IGSF9B: variants seen among roughly 807,000 people sequenced by gnomAD.
IGSF9B encodes protein turtle homolog B.
Under a neutral mutation model 143.7 loss-of-function variants are expected in IGSF9B, and 48 were observed. The observed-to-expected ratio is 0.33, with a 90% CI of 0.26 to 0.42. The LOEUF (loss-of-function observed/expected upper bound fraction) is 0.42. Ranked by LOEUF, IGSF9B falls within the 20% of genes least tolerant of loss-of-function variation. IGSF9B has a pLI of 1.00. For synonymous variants in IGSF9B, 903 were observed against 833.1 expected, an observed-to-expected ratio of 1.08 and a Z score of -1.44; for missense variants, 1,706 against 1,980.0, an observed-to-expected ratio of 0.86 and a Z score of 2.63.
chr11:133,922,668 C>T lies in IGSF9B; in HGVS notation c.2182G>A (p.Val728Ile), dbSNP rs548914129. The part of the protein sequence containing the change: ...GLARPVLAGI[V>I]ATICFLAAAI... Reference sequence around the variant, plus strand: ...GCTGCCAAGAAGCAGATGGTAGCTACGATTCCCGCCAGCACAGGCCGCGCC... The same window carrying T: ...GCTGCCAAGAAGCAGATGGTAGCTATGATTCCCGCCAGCACAGGCCGCGCC... The change falls in exon 16 of 20, where the codon GTA becomes ATA. Residue 728 changes from valine (V) to isoleucine (I), a missense_variant. Coordinates refer to ENST00000533871, the MANE Select transcript of IGSF9B (RefSeq NM_001277285.4). The T allele has an allele frequency of 8.8e-6, 14 of 1,585,746 alleles. No individual in the cohort carries two copies. The highest frequency in any genetic ancestry group is 6.7e-5 in the African/African-American group (5 of 74,490).
At position 133,931,913 on chromosome 11, in the gene IGSF9B, G is replaced by A. The variant is rs1939737836; in HGVS notation, c.1111-118C>T. The A allele has an allele frequency of 1.3e-6, 2 of 1,510,906 alleles. No homozygotes were observed. Among genetic ancestry groups the A allele is most frequent in the African/African-American group, 2.8e-5 (2 of 71,078 alleles). The allele number at this position is 1,510,906 out of a possible 1,614,324, so 93.6% of individuals were successfully genotyped here. ...GATAGTACAGGAGCTCCAGCCCGGG[G>A]CGGGCGGCACCCGCAGACCCCTACA... On this transcript the variant is annotated intron_variant, in intron 8 of 19. Coordinates refer to ENST00000533871, the MANE Select transcript of IGSF9B (RefSeq NM_001277285.4). This position sits in a 1 kb window ranked among gnomAD's most constrained non-coding sequence, Gnocchi z 7.7.
At position 133,952,844 on chromosome 11, in the gene IGSF9B, A is replaced by G. The variant is rs140214139; in HGVS notation, c.64+3847T>C. Among the ~76,000 whole-genome samples the G allele has an allele frequency of 6.5e-3, 997 of 152,250 alleles. 15 individuals are homozygous for G. The highest frequency in any genetic ancestry group is 0.023 in the African/African-American group (946 of 41,554). On this transcript the variant is annotated intron_variant, in intron 1 of 19. Coordinates refer to ENST00000533871, the MANE Select transcript of IGSF9B (RefSeq NM_001277285.4). ...TTCTGGACAGCTGGAAGCTCTCAGCAGTTGCAGCTCTTTGACCATTCAGAT... is the reference window on the plus strand; with the variant it reads ...TTCTGGACAGCTGGAAGCTCTCAGCGGTTGCAGCTCTTTGACCATTCAGAT...
At chr11:133,951,981 C>T (rs953622039) in intron 1 of IGSF9B, 10 of 449,176 alleles carry the variant, frequency 2.2e-5, no homozygotes, top group Non-Finnish European at 4.1e-5. Flanking sequence ...CGCTCCATCT[C>T]GGGGGCACAC....
intron 5 of IGSF9B, among the ~76,000 whole-genome samples, chr11:133,936,718 G>A (rs773628423): frequency 4.6e-5 from 7 of 152,040 alleles, no homozygotes; most frequent in Non-Finnish European, 7.4e-5. Flanking sequence ...GCTGCTGCTC[G>A]GCACTCAGAG....
chr11:133,956,616 G>T, intron 1 of IGSF9B, 75 bp downstream of exon 1: 1 of 1,035,154 alleles, frequency 9.7e-7, no homozygotes, highest in Non-Finnish European at 1.4e-6. Flanking sequence ...CAAGGAGCCG[G>T]GAAACCGAGG....
intron 14 of IGSF9B, among the ~76,000 whole-genome samples, chr11:133,925,142 T>C (rs536189742): frequency 6.6e-6 from 1 of 152,260 alleles, no homozygotes; most frequent in East Asian, 1.9e-4. Context: ...GGAAGAGATA[T>C]GTACAACAGG....
At position 133,913,119 on chromosome 11, in the gene IGSF9B, G is replaced by A. The variant is rs763287699; in HGVS notation, c.3984-1112C>T. 4.6e-5 allele frequency among the ~76,000 whole-genome samples: 7 copies of A among 152,164 alleles called. No homozygotes were observed. The highest frequency in any genetic ancestry group is 7.3e-5 in the Non-Finnish European group (5 of 68,032). ...CAGGTCACTCTGTCTTCCCACCAGC[G>A]CTGGCATTAGCACGTGATCAGAGAA... On this transcript the variant is annotated intron_variant, in intron 18 of 19. Transcript: ENST00000533871. This position sits in a 1 kb window ranked among gnomAD's most constrained non-coding sequence, Gnocchi z 4.6.
At position 133,904,361 on chromosome 11, in the gene IGSF9B, G is replaced by A. The variant is rs1421021328; in HGVS notation, c.*4708C>T. On this transcript the variant is annotated 3_prime_UTR_variant, in exon 20 of 20. Coordinates refer to ENST00000533871, the MANE Select transcript of IGSF9B (RefSeq NM_001277285.4). Reference sequence around the variant, plus strand: ...CAAGTTTCTCAGCTTTGGGCCTGAGGAGCCCCCAAAACAAATGAAGTTGAA... The same window carrying A: ...CAAGTTTCTCAGCTTTGGGCCTGAGAAGCCCCCAAAACAAATGAAGTTGAA... Among the ~76,000 whole-genome samples the A allele has an allele frequency of 6.6e-6, 1 of 152,206 alleles. No homozygotes were observed. Among genetic ancestry groups the A allele is most frequent in the Non-Finnish European group, 1.5e-5 (1 of 68,036 alleles).
intron 3 of IGSF9B, 54 bp from the exon 4 acceptor site, chr11:133,938,015 T>C (rs1939858058): frequency 1.3e-6 from 2 of 1,581,742 alleles, no homozygotes; most frequent in African/African-American, 2.7e-5. Flanking sequence ...ATCGCTGCCC[T>C]GCAACAACAG....
At position 133,919,827 on chromosome 11, in the gene IGSF9B, C is replaced by A; in HGVS notation, c.3898G>T (p.Val1300Leu). The A allele has an allele frequency of 6.4e-7, 1 of 1,567,134 alleles. No homozygotes were observed. The highest frequency in any genetic ancestry group is 1.2e-5 in the South Asian group (1 of 84,546). The change falls in exon 18 of 20, where the codon GTG becomes TTG. Residue 1300 changes from valine (V) to leucine (L), a missense_variant. Coordinates refer to ENST00000533871, the MANE Select transcript of IGSF9B (RefSeq NM_001277285.4). ...APAGPGDSLD[V>L]FGQTPSPRRT... Reference sequence around the variant, plus strand: ...CGAGGGGAAGGCGTCTGTCCAAACACGTCCAAGCTGTCCCCAGGCCCAGCA... The same window carrying A: ...CGAGGGGAAGGCGTCTGTCCAAACAAGTCCAAGCTGTCCCCAGGCCCAGCA...
At chr11:133,921,437 G>A (rs1223616417) in intron 17 of IGSF9B, 40 bp from the exon 18 acceptor site, 8 of 1,409,462 alleles carry the variant, frequency 5.7e-6, no homozygotes, top group Admixed American at 2.7e-5. Context: ...ATGAGGTGGG[G>A]CAGTGTGCTG....
In IGSF9B at chr11:133,953,128, G is replaced by A. The variant is rs1940192969; in HGVS notation, c.64+3563C>T. On this transcript the variant is annotated intron_variant, in intron 1 of 19. Transcript: ENST00000533871. The surrounding 1 kb of genome is among the most constrained non-coding windows in gnomAD (Gnocchi z 4.2). ...GGAGAAGGCAAAGGTACAGGAGGTT[G>A]GAGTGAGGGCCAGAGTGATGCTGGG... Among the ~76,000 whole-genome samples the A allele has an allele frequency of 6.6e-6, 1 of 152,166 alleles. No individual in the cohort carries two copies. Among genetic ancestry groups the A allele is most frequent in the Non-Finnish European group, 1.5e-5 (1 of 68,016 alleles).
rs927990502 is a variant in IGSF9B at position 133,907,488 on chromosome 11, C to T, written c.*1581G>A. Among the ~76,000 whole-genome samples, 1 of 152,184 alleles carries T rather than the reference C, an allele frequency of 6.6e-6. No homozygotes were observed. The highest frequency in any genetic ancestry group is 2.4e-5 in the African/African-American group (1 of 41,436). On this transcript the variant is annotated 3_prime_UTR_variant, in exon 20 of 20. Coordinates refer to ENST00000533871, the MANE Select transcript of IGSF9B (RefSeq NM_001277285.4). The stretch of plus-strand genomic sequence containing the variant: ...CCAAGAAGGAAATACTTCAAGGAAC[C>T]TTCATTCTAAGCCAAGCCAGAAGGG...
chr11:133,920,996 G>A lies in IGSF9B; in HGVS notation c.2729C>T (p.Ser910Phe), dbSNP rs764207468. Residue 910 changes from serine to phenylalanine, a missense_variant, in exon 18 of 20, where the codon TCC becomes TTC. Physicochemically the swap from Ser to Phe is radical, Grantham distance 155. This residue lies in a region of IGSF9B where 880 missense variants were observed against 762.9 expected (regional missense o/e 1.15). Coordinates refer to ENST00000533871, the MANE Select transcript of IGSF9B (RefSeq NM_001277285.4). ...LVPTSVAALK[S>F]QLTPLSSSQE... is the part of the protein sequence containing the mutation. ...GCTGGATGACAGAGGGGTGAGCTGG[G>A]ACTTCAGGGCGGCCACAGATGTGGG... 4 of 1,611,382 alleles carry A rather than the reference G, an allele frequency of 2.5e-6. No individual in the cohort carries two copies. In the South Asian group the frequency reaches 4.4e-5, roughly 18 times the overall value.
In IGSF9B at chr11:133,948,095, G is replaced by GTCTGTT. The variant is rs1224793069; in HGVS notation, c.65-1838_65-1837insAACAGA. On this transcript the variant is annotated intron_variant, in intron 1 of 19. Transcript: ENST00000533871. This position sits in a 1 kb window ranked among gnomAD's most constrained non-coding sequence, Gnocchi z 4.7. ...TGTGTGTGTGTGTGTGTGTGTCTGT[G>GTCTGTT]TGTGTTTCGGTTGGCTCATGCAAGG... 1.3e-5 allele frequency among the ~76,000 whole-genome samples: 2 copies of GTCTGTT among 150,346 alleles called. No individual in the cohort carries two copies. The highest frequency in any genetic ancestry group is 2.5e-5 in the African/African-American group (1 of 40,644).
chr11:133,935,742 C>T lies in IGSF9B; in HGVS notation c.842G>A (p.Arg281His), dbSNP rs1412418017. Residue 281 changes from arginine to histidine, a missense_variant, in exon 7 of 20, where the codon CGC (arginine) becomes CAC (histidine). Around this residue, in one of 7 missense-constraint regions of IGSF9B, gnomAD observed 238 missense variants for 452.6 expected, o/e 0.53. Coordinates refer to ENST00000533871, the MANE Select transcript of IGSF9B (RefSeq NM_001277285.4). Reference sequence around the variant, plus strand: ...GATCAGGGTCCCATCGATTAGGATGCGCACCCTCAGCTTCAGGTCGCTGCA... The same window carrying T: ...GATCAGGGTCCCATCGATTAGGATGTGCACCCTCAGCTTCAGGTCGCTGCA... ...YFQNDLKLRV[R>H]ILIDGTLIIF... 7 of 1,611,476 alleles carry T rather than the reference C, an allele frequency of 4.3e-6. No individual in the cohort carries two copies. Among genetic ancestry groups the T allele is most frequent in the Admixed American group, 1.7e-5 (1 of 59,774 alleles).
rs7939140 is a variant in IGSF9B at position 133,906,305 on chromosome 11, C to A, written c.*2764G>T. Among the ~76,000 whole-genome samples the A allele has an allele frequency of 6.6e-6, 1 of 152,214 alleles. No homozygotes were observed. The highest frequency in any genetic ancestry group is 1.5e-5 in the Non-Finnish European group (1 of 68,048). ...CTGTGACATCTTCACCCTCTATCCA[C>A]GGAGGGAACTGCGTTCCACCAATCC... On this transcript the variant is annotated 3_prime_UTR_variant, in exon 20 of 20. Transcript: ENST00000533871.
At position 133,936,477 on chromosome 11, in the gene IGSF9B, CT is replaced by C. The variant is rs147332652; in HGVS notation, c.680-284del. Among the ~76,000 whole-genome samples, 224 of 152,316 alleles carry C rather than the reference CT, an allele frequency of 1.5e-3. 2 individuals carry two copies. The East Asian group carries it at 0.033, about 22-fold the overall frequency. The stretch of plus-strand genomic sequence containing the variant: ...ACATGCAGCAGGGAGAAAGGCAACT[CT>C]TTTCAAATCTAGAGCGAGGAATAGT... On this transcript the variant is annotated intron_variant, in intron 5 of 19. Coordinates refer to ENST00000533871, the MANE Select transcript of IGSF9B (RefSeq NM_001277285.4).
rs145178315 is a variant in IGSF9B, at chr11:133,936,814, G to A, written c.679+562C>T. Among the ~76,000 whole-genome samples the A allele has an allele frequency of 6.1e-4, 93 of 152,316 alleles. 1 individual carries two copies. In the East Asian group the frequency reaches 0.013, roughly 22 times the overall value. On this transcript the variant is annotated intron_variant, in intron 5 of 19. Coordinates refer to ENST00000533871, the MANE Select transcript of IGSF9B (RefSeq NM_001277285.4). Reference sequence around the variant, plus strand: ...GGCTGGGGAGGCTAAGCCGGGGGCCGAGTTCAGCACAGGGTAGAGACCCCC... The same window carrying A: ...GGCTGGGGAGGCTAAGCCGGGGGCCAAGTTCAGCACAGGGTAGAGACCCCC...
Sources: gnomAD v4.1 joint callset for allele counts (sites outside exome capture counted in the v4.1 genomes callset) on GRCh38, gnomAD v4.1.1 for gene constraint, gnomAD v4.1.1 regional missense constraint, Gnocchi (gnomAD v3.1) non-coding constraint, MANE v1.5 for transcripts, NCBI Gene and HGNC (gene_info 2026-07-23, HGNC 2026-07-21) for gene names.